Variants in SATB2 observed in about 807,000 individuals in gnomAD.
The protein encoded by SATB2 is DNA-binding protein SATB2.
SATB2 carries 1 observed loss-of-function variant against 73.4 expected under a neutral mutation model. The observed-to-expected ratio is 0.01, with a 90% CI of 0.00 to 0.06. The LOEUF (loss-of-function observed/expected upper bound fraction) is 0.06. Among genes scored for constraint, SATB2 ranks in the 10% least tolerant of loss-of-function variants. SATB2 has a pLI of 1.00. For missense variants in SATB2, 459 were observed against 945.8 expected (o/e 0.49, Z 6.75); for synonymous variants, 397 against 367.0 (o/e 1.08, Z -0.93).
intron 10 of SATB2, among the ~76,000 whole-genome samples, chr2:199,279,308 T>C (rs2105719154): frequency 6.6e-6 from 1 of 152,306 alleles, no homozygotes; most frequent in East Asian, 1.9e-4. Flanking sequence ...CAAAGTTGAC[T>C]AAGAAAGATA....
intron 10 of SATB2, among the ~76,000 whole-genome samples, chr2:199,288,443 G>C (rs1403365998): frequency 6.6e-6 from 1 of 152,156 alleles, no homozygotes; most frequent in Non-Finnish European, 1.5e-5. Context: ...TTACTTCAGG[G>C]GAAAGAGATG....
At chr2:199,418,942 G>C (rs752099613) in intron 3 of SATB2, among the ~76,000 whole-genome samples, 1 of 152,088 alleles carries the variant, frequency 6.6e-6, no homozygotes, top group African/African-American at 2.4e-5. Context: ...CATCGAGTGA[G>C]TGATTCTGGG....
chr2:199,273,751 T>C (rs1692229488), intron 10 of SATB2, among the ~76,000 whole-genome samples: 1 of 152,110 alleles, frequency 6.6e-6, no homozygotes, highest in Non-Finnish European at 1.5e-5. Flanking sequence ...AATGTTAAAG[T>C]TTTCTAGTTG....
At chr2:199,380,307 TAG>T (rs1287926274) in intron 5 of SATB2, 55 bp downstream of exon 5, 52 of 1,608,734 alleles carry the variant, frequency 3.2e-5, no homozygotes, top group African/African-American at 1.9e-4. Flanking sequence ...AACCCCCTGA[TAG>T]AGAGTCTACC....
At chr2:199,311,839 ATC>A (rs1687604250) in intron 9 of SATB2, among the ~76,000 whole-genome samples, 1 of 152,026 alleles carries the variant, frequency 6.6e-6, no homozygotes, top group Non-Finnish European at 1.5e-5. Flanking sequence ...TGGGATGCTT[ATC>A]TCTGTTTTCT....
At chr2:199,403,131 A>G (rs1042254428) in intron 3 of SATB2, among the ~76,000 whole-genome samples, 1 of 152,198 alleles carries the variant, frequency 6.6e-6, no homozygotes, top group Admixed American at 6.5e-5. Context: ...ACATAGAATG[A>G]CACCCACAAA....
chr2:199,437,388 A>G (rs1691683010), intron 2 of SATB2, among the ~76,000 whole-genome samples: 1 of 152,222 alleles, frequency 6.6e-6, no homozygotes, highest in African/African-American at 2.4e-5. Context: ...CATTTTTCCA[A>G]CTGTCATTAG....
chr2:199,397,691 C>G (rs186811999), intron 3 of SATB2: 51 of 287,874 alleles, frequency 1.8e-4, no homozygotes, highest in African/African-American at 1.1e-3. Flanking sequence ...GAGTTCCAGA[C>G]CAGCCTGGCC....
Position 199,308,748 on chromosome 2 carries a change from G to A in SATB2, c.1740+12C>T, listed in dbSNP as rs201101830. Reference sequence around the variant, plus strand: ...CCTGATCAGGTGGGGTACGGCGGTCGGGGACACTGACCTGCACCGGCTCAG... The same window carrying A: ...CCTGATCAGGTGGGGTACGGCGGTCAGGGACACTGACCTGCACCGGCTCAG... On this transcript the variant is annotated intron_variant, in intron 10 of 10. Transcript: ENST00000417098. This position sits in a 1 kb window ranked among gnomAD's most constrained non-coding sequence, Gnocchi z 4.6. 77 of 1,612,696 alleles carry A rather than the reference G, an allele frequency of 4.8e-5. No homozygotes were observed. The highest frequency in any genetic ancestry group is 4.4e-4 in the African/African-American group (33 of 75,012).
chr2:199,388,851 C>T (rs1423156021), intron 3 of SATB2, among the ~76,000 whole-genome samples: 1 of 152,050 alleles, frequency 6.6e-6, no homozygotes, highest in African/African-American at 2.4e-5. Context: ...TGATGAGGCT[C>T]CTTGTAAAAA....
At chr2:199,357,780 A>G (rs902875476) in intron 6 of SATB2, among the ~76,000 whole-genome samples, 1 of 152,074 alleles carries the variant, frequency 6.6e-6, no homozygotes, top group Non-Finnish European at 1.5e-5. Flanking sequence ...TTGTCCCAAA[A>G]TGAGTGTCAT....
At chr2:199,348,452 T>G in intron 7 of SATB2, 1 of 500,730 alleles carries the variant, frequency 2.0e-6, no homozygotes, top group Non-Finnish European at 3.6e-6. Context: ...ATTAGTAACA[T>G]TTGGGGTCCT....
intron 6 of SATB2, 97 bp downstream of exon 6, chr2:199,368,508 T>G: frequency 1.3e-6 from 1 of 762,702 alleles, no homozygotes; most frequent in Non-Finnish European, 2.3e-6. Context: ...AAAAATTACG[T>G]AAATTGTATC....
At chr2:199,361,242 T>C (rs1051225879) in intron 6 of SATB2, among the ~76,000 whole-genome samples, 6 of 152,070 alleles carry the variant, frequency 3.9e-5, no homozygotes, top group African/African-American at 1.2e-4. Flanking sequence ...ATTGGTATTG[T>C]CTTATTTCTG....
At chr2:199,338,329 C>T (rs769198210) in intron 7 of SATB2, among the ~76,000 whole-genome samples, 42 of 151,884 alleles carry the variant, frequency 2.8e-4, no homozygotes, top group Non-Finnish European at 5.1e-4. Flanking sequence ...GATCATGCCA[C>T]TGCACTCCAG....
At chr2:199,435,353 TC>T (rs1559053431) in intron 2 of SATB2, among the ~76,000 whole-genome samples, 1 of 151,482 alleles carries the variant, frequency 6.6e-6, no homozygotes. Context: ...TAGATTTCCT[TC>T]AAATTATCTT....
chr2:199,387,418 G>A (rs1429311318), intron 3 of SATB2, among the ~76,000 whole-genome samples: 3 of 152,198 alleles, frequency 2.0e-5, no homozygotes, highest in Non-Finnish European at 4.4e-5. Flanking sequence ...TGACATCACA[G>A]TCCCAGAAGT....
chr2:199,311,707 A>T (rs1349548103), intron 9 of SATB2, among the ~76,000 whole-genome samples: 1 of 151,556 alleles, frequency 6.6e-6, no homozygotes, highest in Non-Finnish European at 1.5e-5. Context: ...CCTTCCCCTC[A>T]CTCTGGCTCG....
intron 6 of SATB2, 99 bp downstream of exon 6, chr2:199,368,506 C>A (rs955566494): frequency 1.3e-6 from 1 of 751,316 alleles, no homozygotes; most frequent in Admixed American, 2.0e-5. Context: ...AAAAAAATTA[C>A]GTAAATTGTA....
Sources: gnomAD v4.1 joint callset for allele counts (sites outside exome capture counted in the v4.1 genomes callset) on GRCh38, gnomAD v4.1.1 for gene constraint, Gnocchi (gnomAD v3.1) non-coding constraint, MANE v1.5 for transcripts, NCBI Gene and HGNC (gene_info 2026-07-23, HGNC 2026-07-21) for gene names.